Variants in ADAMTS9 observed in about 807,000 individuals in gnomAD.
ADAMTS9 encodes the protein ADAM metallopeptidase with thrombospondin type 1 motif 9.
ADAMTS9 carries 107 observed loss-of-function variants against 257.1 expected under a neutral mutation model. That is an observed-to-expected ratio of 0.42 (90% confidence interval 0.36 to 0.49). The LOEUF (loss-of-function observed/expected upper bound fraction) is 0.49, where lower values mean the gene tolerates loss of function less well. ADAMTS9 is among the 20% of genes least tolerant of loss of function. The probability of loss-of-function intolerance (pLI) is 0.03; values close to 1 mark genes in which losing one functional copy is unlikely to be tolerated. For synonymous variants in ADAMTS9, 982 were observed against 880.9 expected (o/e 1.11, Z -2.03); for missense variants, 2,353 against 2,469.1 (o/e 0.95, Z 1.00).
chr3:64,603,181 T>C (rs921517167), intron 25 of ADAMTS9, among the ~76,000 whole-genome samples: 13 of 152,222 alleles, frequency 8.5e-5, no homozygotes, highest in Admixed American at 7.9e-4. Context: ...CTGAGACTCA[T>C]GGACTTAAAC....
In ADAMTS9 at chr3:64,602,093, A is replaced by G. The variant is rs1559786425; in HGVS notation, c.3868T>C (p.Cys1290Arg). The change falls in exon 26 of 40, where the codon TGT becomes CGT. Residue 1290 changes from cysteine (C) to arginine (R), a missense_variant. Transcript: ENST00000498707. Reference sequence around the variant, plus strand: ...CTTTGAGGGCATGGTGACATGGAACAGTCCTGGTCAGTTTCTGGGATATAA... The same window carrying G: ...CTTTGAGGGCATGGTGACATGGAACGGTCCTGGTCAGTTTCTGGGATATAA... ...QDYIPETDQDCSMSPCPQRTP... is the reference protein window; with the variant it reads ...QDYIPETDQDRSMSPCPQRTP... 1 of 1,614,000 alleles carries G rather than the reference A, an allele frequency of 6.2e-7. No homozygotes were observed. The highest frequency in any genetic ancestry group is 8.5e-7 in the Non-Finnish European group (1 of 1,179,994).
chr3:64,672,884 C>G (rs759364382), intron 3 of ADAMTS9, among the ~76,000 whole-genome samples: 7 of 152,156 alleles, frequency 4.6e-5, no homozygotes, highest in Non-Finnish European at 1.0e-4. Flanking sequence ...GCAGATATGA[C>G]AGTGGTCTCC....
chr3:64,623,650 T>C (rs955118114), intron 16 of ADAMTS9, among the ~76,000 whole-genome samples: 2 of 152,226 alleles, frequency 1.3e-5, no homozygotes, highest in African/African-American at 4.8e-5. Flanking sequence ...CAGACCATTA[T>C]TTCTAAACCT....
At chr3:64,539,376 G>A (rs2083091932) in intron 36 of ADAMTS9, 82 bp from the exon 37 acceptor site, 1 of 1,151,684 alleles carries the variant, frequency 8.7e-7, no homozygotes, top group East Asian at 2.4e-5. Flanking sequence ...TTAACAAGGA[G>A]ACAGAAGGGA....
chr3:64,601,169 T>C (rs2084453398), intron 26 of ADAMTS9, among the ~76,000 whole-genome samples: 1 of 152,200 alleles, frequency 6.6e-6, no homozygotes. Flanking sequence ...ATAATGATAA[T>C]AATAAAGACA....
chr3:64,540,909 C>T (rs771868151), intron 36 of ADAMTS9, among the ~76,000 whole-genome samples, 186 bp downstream of exon 36: 136 of 152,202 alleles, frequency 8.9e-4, no homozygotes, highest in Non-Finnish European at 1.4e-3. Flanking sequence ...ACAAAAGAGA[C>T]AAAACTGCCT....
At chr3:64,568,285 C>T in intron 29 of ADAMTS9, 83 bp downstream of exon 29, 1 of 1,480,058 alleles carries the variant, frequency 6.8e-7, no homozygotes, top group Non-Finnish European at 9.0e-7. Flanking sequence ...CAAAACCGTG[C>T]ATAGAAACAC....
intron 28 of ADAMTS9, among the ~76,000 whole-genome samples, chr3:64,571,562 A>C (rs1439839497): frequency 6.6e-6 from 1 of 152,166 alleles, no homozygotes; most frequent in Admixed American, 6.5e-5. Flanking sequence ...TAACCTACCC[A>C]TTCCAGGGTT....
At position 64,686,768 on chromosome 3, in the gene ADAMTS9, C is replaced by G. The variant is rs527419301; in HGVS notation, c.316G>C (p.Gly106Arg). The G allele has an allele frequency of 1.9e-5, 30 of 1,613,994 alleles. No homozygotes were observed. In the African/African-American group the frequency reaches 3.6e-4, roughly 19 times the overall value. The change falls in exon 2 of 40, where the codon GGC (glycine) becomes CGC (arginine). Residue 106 changes from glycine (G) to arginine (R), a missense_variant. This residue lies in a region of ADAMTS9 where 591 missense variants were observed against 569.6 expected (regional missense o/e 1.04). Transcript: ENST00000498707. This position sits in a 1 kb window ranked among gnomAD's most constrained non-coding sequence, Gnocchi z 4.6. ...GTGAGATTAAATAGAAACTGCTGGC[C>G]GAAGGCAGAGAGGCGGTAATGCGCC... ...SQAHYRLSAF[G>R]QQFLFNLTAN...
intron 32 of ADAMTS9, among the ~76,000 whole-genome samples, chr3:64,545,429 T>C (rs1050209283): frequency 6.6e-6 from 1 of 152,070 alleles, no homozygotes; most frequent in Admixed American, 6.6e-5. Flanking sequence ...TATGCAGCCA[T>C]AAAAAAGGAT....
chr3:64,601,949 C>T lies in ADAMTS9; in HGVS notation c.4012G>A (p.Gly1338Arg). The change falls in exon 26 of 40, where the codon GGA becomes AGA. Residue 1338 changes from glycine to arginine, a missense_variant. Physicochemically the swap from Gly to Arg is moderately radical, Grantham distance 125. This residue lies in a region of ADAMTS9 where 1,402 missense variants were observed against 1,441.4 expected (regional missense o/e 0.97). Transcript: ENST00000498707. ...GGNQWRTGPW[G>R]ACSSTCAGGS... ...AAACTTCAGGGAATACTCACTGCTC[C>T]CCAGGGGCCAGTTCTCCACTGGTTT... The T allele has an allele frequency of 6.2e-7, 1 of 1,600,886 alleles. No homozygotes were observed. The highest frequency in any genetic ancestry group is 8.5e-7 in the Non-Finnish European group (1 of 1,172,706).
rs1413323970 is a variant in ADAMTS9 at position 64,556,191 on chromosome 3, A to G, written c.4699-5129T>C. On this transcript the variant is annotated intron_variant, in intron 30 of 39. Transcript: ENST00000498707. ...GTGGCCCAAGTCCCCATACCGCACC[A>G]AACAGCAGCGAGGTGAGCAGTTCTG... Among the ~76,000 whole-genome samples the G allele has an allele frequency of 2.6e-5, 4 of 152,236 alleles. No individual in the cohort carries two copies. In the South Asian group the frequency reaches 8.3e-4, roughly 31 times the overall value.
chr3:64,620,904 T>C (rs1013747528), intron 19 of ADAMTS9, among the ~76,000 whole-genome samples: 2 of 152,270 alleles, frequency 1.3e-5, no homozygotes, highest in African/African-American at 4.8e-5. Context: ...CTATTAGCTA[T>C]TTTTAATTCT....
At chr3:64,673,259 C>A (rs1701535089) in intron 3 of ADAMTS9, among the ~76,000 whole-genome samples, 1 of 152,062 alleles carries the variant, frequency 6.6e-6, no homozygotes, top group African/African-American at 2.4e-5. Flanking sequence ...GACAAGGAGT[C>A]AAAAAACCTC....
rs926779758 is a variant in ADAMTS9, at chr3:64,658,778, C to T, written c.693G>A (p.Arg231=). The change falls in exon 4 of 40, where the codon AGG becomes AGA. Residue 231 remains arginine, a synonymous_variant. Coordinates refer to ENST00000498707, the MANE Select transcript of ADAMTS9 (RefSeq NM_182920.2). The part of the protein sequence containing the change: ...HACDTSEHKN[R]HSKDKKKTRA... The stretch of plus-strand genomic sequence containing the variant: ...TGGTTTTCTTCTTGTCTTTACTGTG[C>T]CTATTTTTGTGTTCTGTAACAAATC... 2 of 1,612,812 alleles carry T rather than the reference C, an allele frequency of 1.2e-6. No individual in the cohort carries two copies. Among genetic ancestry groups the T allele is most frequent in the East Asian group, 2.2e-5 (1 of 44,846 alleles).
At chr3:64,556,216 G>C (rs574598144) in intron 30 of ADAMTS9, among the ~76,000 whole-genome samples, 47 of 152,300 alleles carry the variant, frequency 3.1e-4, no homozygotes, top group Admixed American at 3.1e-3. Flanking sequence ...GAGCAGTTCT[G>C]CAACAGTCAG....
rs901770547 is a variant in ADAMTS9, at chr3:64,636,763, A to G, written c.1857-2884T>C. Among the ~76,000 whole-genome samples the G allele has an allele frequency of 7.2e-5, 11 of 152,254 alleles. 1 individual carries two copies. The highest frequency in any genetic ancestry group is 1.5e-5 in the Non-Finnish European group (1 of 68,052). Reference sequence around the variant, plus strand: ...CATAAATAAAGATTTATTGGAACACAGCCACACCCACATTGTCTGTTTGTT... The same window carrying G: ...CATAAATAAAGATTTATTGGAACACGGCCACACCCACATTGTCTGTTTGTT... On this transcript the variant is annotated intron_variant, in intron 12 of 39. Transcript: ENST00000498707.
chr3:64,541,917 G>A lies in ADAMTS9; in HGVS notation c.5118C>T (p.Thr1706=). The part of the protein sequence containing the change: ...GVMQRSVQCL[T]NEDQPSHLCH... ...ATAAGTGGCTGGGTTGGTCCTCATT[G>A]GTTAAACATTGCACAGATCTCTGCA... The change falls in exon 33 of 40, where the codon ACC becomes ACT. Residue 1706 remains threonine, a synonymous_variant. Coordinates refer to ENST00000498707, the MANE Select transcript of ADAMTS9 (RefSeq NM_182920.2). 2 of 1,614,108 alleles carry A rather than the reference G, an allele frequency of 1.2e-6. No individual in the cohort carries two copies. The highest frequency in any genetic ancestry group is 2.2e-5 in the East Asian group (1 of 44,878).
chr3:64,661,518 T>G (rs1701222590), intron 3 of ADAMTS9, among the ~76,000 whole-genome samples: 1 of 152,210 alleles, frequency 6.6e-6, no homozygotes, highest in Non-Finnish European at 1.5e-5. Flanking sequence ...AGCAACTTAT[T>G]CAAAGTCACA....
Sources: allele counts gnomAD v4.1 joint callset (sites outside exome capture counted in the v4.1 genomes callset), GRCh38; gene constraint gnomAD v4.1.1; regional missense constraint gnomAD v4.1.1; non-coding constraint Gnocchi (gnomAD v3.1); transcripts MANE v1.5; gene names NCBI Gene and HGNC (gene_info 2026-07-23, HGNC 2026-07-21).